ZBTB7C: variants seen among roughly 807,000 people sequenced by gnomAD.
ZBTB7C encodes the protein zinc finger and BTB domain containing 7C.
In ZBTB7C, 8 loss-of-function variants were observed where a neutral mutation model predicts 25.7. That is an observed-to-expected ratio of 0.31 (90% CI 0.18 to 0.56). The LOEUF (loss-of-function observed/expected upper bound fraction) is 0.56, where lower values mean the gene tolerates loss of function less well. ZBTB7C is among the 20% of genes least tolerant of loss of function. The pLI is 0.91. For synonymous variants in ZBTB7C, 394 were observed against 369.0 expected, an observed-to-expected ratio of 1.07 and a Z score of -0.78; for missense variants, 824 against 855.2, an observed-to-expected ratio of 0.96 and a Z score of 0.46.
At chr18:48,358,497 G>T (rs2047029372) in intron 1 of ZBTB7C, among the ~76,000 whole-genome samples, 1 of 152,176 alleles carries the variant, frequency 6.6e-6, no homozygotes, top group Non-Finnish European at 1.5e-5. Context: ...CTGGAGCCAG[G>T]CTTGTACAGT....
At chr18:48,070,430 G>T (rs1415722800) in intron 3 of ZBTB7C, among the ~76,000 whole-genome samples, 2 of 152,172 alleles carry the variant, frequency 1.3e-5, no homozygotes, top group Non-Finnish European at 2.9e-5. Context: ...GTGCTATCTT[G>T]CTGGTCCAGG....
intron 3 of ZBTB7C, among the ~76,000 whole-genome samples, chr18:48,182,182 T>C (rs1444468742): frequency 7.7e-6 from 1 of 130,192 alleles, no homozygotes; most frequent in Non-Finnish European, 1.7e-5. Context: ...GGAAATGAGA[T>C]TTTTTTTCAT....
chr18:48,134,242 A>G (rs1327656995), intron 3 of ZBTB7C, among the ~76,000 whole-genome samples: 2 of 152,160 alleles, frequency 1.3e-5, no homozygotes, highest in African/African-American at 4.8e-5. Context: ...CCTTCCTCAC[A>G]AAAGTGATAG....
chr18:48,232,280 G>A (rs2043276526), intron 2 of ZBTB7C, among the ~76,000 whole-genome samples: 1 of 152,226 alleles, frequency 6.6e-6, no homozygotes, highest in African/African-American at 2.4e-5. Context: ...CTAATCCTCA[G>A]AAGCTAGAAG....
upstream of ZBTB7C, among the ~76,000 whole-genome samples, chr18:48,409,712 C>T (rs371438963): frequency 2.0e-5 from 3 of 152,022 alleles, no homozygotes; most frequent in Non-Finnish European, 2.9e-5. Context: ...AGGCTGCGGG[C>T]GGGAGTCAGG....
chr18:48,070,669 G>A (rs1334874096), intron 3 of ZBTB7C, among the ~76,000 whole-genome samples: 1 of 152,198 alleles, frequency 6.6e-6, no homozygotes, highest in Admixed American at 6.5e-5. Flanking sequence ...AACATCTGCA[G>A]GGACTAGAAG....
intron 2 of ZBTB7C, among the ~76,000 whole-genome samples, chr18:48,235,271 T>G (rs2043350209): frequency 6.6e-6 from 1 of 152,206 alleles, no homozygotes; most frequent in Non-Finnish European, 1.5e-5. Context: ...AATTGAGGTT[T>G]TAAAATTATA....
chr18:48,280,345 C>T (rs148162778), intron 2 of ZBTB7C, among the ~76,000 whole-genome samples: 62 of 152,250 alleles, frequency 4.1e-4, no homozygotes, highest in African/African-American at 1.3e-3. Flanking sequence ...GCCACTGCAT[C>T]CATCATTCAT....
At chr18:48,344,046 A>G (rs28580022) in intron 1 of ZBTB7C, among the ~76,000 whole-genome samples, 103,650 of 151,994 alleles carry the variant, frequency 0.68, 36,091 homozygotes, top group African/African-American at 0.73. Context: ...GTGCAGTGGC[A>G]CGATCTCGGC....
intron 1 of ZBTB7C, among the ~76,000 whole-genome samples, chr18:48,390,396 C>A (rs1238687691): frequency 4.6e-5 from 7 of 152,058 alleles, no homozygotes; most frequent in African/African-American, 7.2e-5. Flanking sequence ...AAAAGAGTGT[C>A]ATTTTTTAAA....
chr18:48,103,735 T>C (rs1011217417), intron 3 of ZBTB7C, among the ~76,000 whole-genome samples: 1 of 151,942 alleles, frequency 6.6e-6, no homozygotes, highest in Non-Finnish European at 1.5e-5. Context: ...GATCCATACA[T>C]TGGGATATTA....
chr18:48,152,693 C>T (rs2040716086), intron 3 of ZBTB7C, among the ~76,000 whole-genome samples: 1 of 152,184 alleles, frequency 6.6e-6, no homozygotes, highest in Non-Finnish European at 1.5e-5. Context: ...AGTCTTGGTG[C>T]AGTGATGAAG....
chr18:48,403,261 G>C (rs1346762389), intron 1 of ZBTB7C, among the ~76,000 whole-genome samples: 2 of 152,204 alleles, frequency 1.3e-5, no homozygotes, highest in Non-Finnish European at 2.9e-5. Flanking sequence ...AGCTGCCAGA[G>C]CTCCCAGACT....
intron 1 of ZBTB7C, among the ~76,000 whole-genome samples, chr18:48,362,721 A>T (rs1172569122): frequency 6.6e-6 from 1 of 151,988 alleles, no homozygotes; most frequent in Non-Finnish European, 1.5e-5. Context: ...AACAAGACGC[A>T]TGGGTTAGTT....
chr18:48,285,625 T>C (rs539263722), intron 2 of ZBTB7C, among the ~76,000 whole-genome samples: 1 of 152,192 alleles, frequency 6.6e-6, no homozygotes, highest in Non-Finnish European at 1.5e-5. Context: ...GTGCTGGGAT[T>C]ACAGGCATGA....
At chr18:48,309,307 T>A (rs1568367396) in intron 2 of ZBTB7C, among the ~76,000 whole-genome samples, 1 of 152,084 alleles carries the variant, frequency 6.6e-6, no homozygotes, top group Non-Finnish European at 1.5e-5. Context: ...TGCATATGCC[T>A]ATTTGGACTG....
At chr18:48,353,881 G>T (rs1478904521) in intron 1 of ZBTB7C, among the ~76,000 whole-genome samples, 1 of 152,160 alleles carries the variant, frequency 6.6e-6, no homozygotes, top group Non-Finnish European at 1.5e-5. Context: ...GGCCCAGGAG[G>T]GGGGTCCAAA....
chr18:48,177,577 G>C (rs770000514), intron 3 of ZBTB7C, among the ~76,000 whole-genome samples: 2 of 152,096 alleles, frequency 1.3e-5, no homozygotes, highest in Admixed American at 1.3e-4. Flanking sequence ...GTGTGTATAC[G>C]CATGTGTGTG....
intron 2 of ZBTB7C, among the ~76,000 whole-genome samples, chr18:48,277,745 C>T (rs1306775341): frequency 1.3e-5 from 2 of 152,100 alleles, no homozygotes; most frequent in Non-Finnish European, 2.9e-5. Context: ...AACATTCCCT[C>T]GAGTGCTAAA....
Sources: gnomAD v4.1 joint callset for allele counts (sites outside exome capture counted in the v4.1 genomes callset) on GRCh38, gnomAD v4.1.1 for gene constraint, MANE v1.5 for transcripts, NCBI Gene and HGNC (gene_info 2026-07-23, HGNC 2026-07-21) for gene names.